The following SVOP variants were observed in gnomAD, a reference collection of about 807,000 sequenced individuals.
The protein encoded by SVOP is synaptic vesicle 2-related protein.
Under a neutral mutation model 69.1 loss-of-function variants are expected in SVOP, and 17 were observed. That is an observed-to-expected ratio of 0.25 (90% confidence interval 0.17 to 0.37). The LOEUF is 0.37. Among genes scored for constraint, SVOP ranks in the 10% least tolerant of loss-of-function variants. SVOP has a pLI of 1.00. For synonymous variants in SVOP, 238 were observed against 238.6 expected, an observed-to-expected ratio of 1.00 and a Z score of 0.02; for missense variants, 435 against 597.5, an observed-to-expected ratio of 0.73 and a Z score of 2.84.
rs562717802 is a variant in SVOP at position 108,954,687 on chromosome 12, G to A, written c.578+6236C>T. ...GCTTCCGGAGGCTTCTCAAAATTCT[G>A]ATCCACTGATGGCACCATTTTCTTG... On this transcript the variant is annotated intron_variant, in intron 6 of 15. Coordinates refer to ENST00000610966, the MANE Select transcript of SVOP (RefSeq NM_018711.5). Among the ~76,000 whole-genome samples, 7 of 152,236 alleles carry A rather than the reference G, an allele frequency of 4.6e-5. No individual in the cohort carries two copies. The South Asian group carries it at 1.2e-3, about 27-fold the overall frequency.
intron 5 of SVOP, among the ~76,000 whole-genome samples, chr12:108,968,351 C>G (rs892185001): frequency 6.6e-6 from 1 of 152,192 alleles, no homozygotes; most frequent in Non-Finnish European, 1.5e-5. Flanking sequence ...GCAGACAACA[C>G]TAGTCAATCA....
chr12:108,943,977 G>A (rs2039908305), intron 7 of SVOP, among the ~76,000 whole-genome samples: 1 of 151,682 alleles, frequency 6.6e-6, no homozygotes, highest in Non-Finnish European at 1.5e-5. Flanking sequence ...CACCTCCTGG[G>A]TTCAAGCAAT....
At chr12:108,998,837 G>T (rs1489724231) in intron 1 of SVOP, among the ~76,000 whole-genome samples, 3 of 151,332 alleles carry the variant, frequency 2.0e-5, no homozygotes, top group Non-Finnish European at 2.9e-5. Context: ...GGAACAACCG[G>T]TACCAGCCGT....
intron 12 of SVOP, among the ~76,000 whole-genome samples, chr12:108,920,301 T>C (rs1389566177): frequency 6.6e-6 from 1 of 152,210 alleles, no homozygotes; most frequent in Non-Finnish European, 1.5e-5. Flanking sequence ...TTTAAGCCAC[T>C]ACATTTTTGG....
intron 1 of SVOP, among the ~76,000 whole-genome samples, chr12:109,012,331 TC>T (rs996314599): frequency 1.3e-5 from 2 of 151,698 alleles, no homozygotes; most frequent in Non-Finnish European, 2.9e-5. Flanking sequence ...AAGAGATCTA[TC>T]GTACAACATG....
intron 1 of SVOP, among the ~76,000 whole-genome samples, chr12:108,997,326 G>T (rs1461605256): frequency 1.3e-4 from 19 of 151,836 alleles, no homozygotes; most frequent in Non-Finnish European, 1.9e-4. Context: ...ACGGAGTCTC[G>T]CTGATTGCTA....
At position 108,910,914 on chromosome 12, in the gene SVOP, T is replaced by C. The variant is rs7294679; in HGVS notation, c.*1621A>G. ...CATCACTGACATGTTTTAATAAGAG[T>C]TGAACGCACAAATTGGCTTCCTTGC... On this transcript the variant is annotated 3_prime_UTR_variant, in exon 16 of 16. Coordinates refer to ENST00000610966, the MANE Select transcript of SVOP (RefSeq NM_018711.5). 1 of 152,046 alleles carries C rather than the reference T, an allele frequency of 6.6e-6. No homozygotes were observed. Among genetic ancestry groups the C allele is most frequent in the South Asian group, 2.1e-4 (1 of 4,830 alleles). 9.4% of individuals were successfully genotyped at this position (152,046 alleles called of 1,614,324 possible).
intron 5 of SVOP, among the ~76,000 whole-genome samples, chr12:108,963,497 T>G (rs979347209): frequency 2.6e-5 from 4 of 151,138 alleles, no homozygotes; most frequent in Non-Finnish European, 4.4e-5. Context: ...ATTTATTTAT[T>G]TTTTTTTTGA....
intron 11 of SVOP, among the ~76,000 whole-genome samples, chr12:108,925,388 C>G (rs2039774322): frequency 6.6e-6 from 1 of 152,212 alleles, no homozygotes; most frequent in African/African-American, 2.4e-5. Flanking sequence ...ACCATCCTCT[C>G]TCATCTGGAT....
At chr12:109,019,970 C>T (rs1001528120) in intron 1 of SVOP, among the ~76,000 whole-genome samples, 1 of 152,104 alleles carries the variant, frequency 6.6e-6, no homozygotes, top group Non-Finnish European at 1.5e-5. Flanking sequence ...CTACTCTTAC[C>T]ACTCAAATGG....
intron 1 of SVOP, among the ~76,000 whole-genome samples, chr12:108,996,043 G>A (rs2040230546): frequency 6.6e-6 from 1 of 152,068 alleles, no homozygotes; most frequent in African/African-American, 2.4e-5. Flanking sequence ...AGGGTCAACA[G>A]GGCAAGATTG....
chr12:108,961,160 C>A (rs576033489), intron 5 of SVOP, 113 bp from the exon 6 acceptor site: 1 of 1,328,948 alleles, frequency 7.5e-7, no homozygotes. Context: ...GCCTACACAA[C>A]CAAGGGGGTA....
intron 6 of SVOP, among the ~76,000 whole-genome samples, chr12:108,951,374 T>C (rs1042834352): frequency 6.6e-6 from 1 of 152,342 alleles, no homozygotes; most frequent in Non-Finnish European, 1.5e-5. Context: ...TATTGATGTT[T>C]TCGTGGAGAG....
At chr12:109,010,034 G>A (rs2040331831) in intron 1 of SVOP, among the ~76,000 whole-genome samples, 1 of 150,846 alleles carries the variant, frequency 6.6e-6, no homozygotes, top group Non-Finnish European at 1.5e-5. Flanking sequence ...GAGGCGGGAG[G>A]ATTGCTAGAG....
intron 8 of SVOP, among the ~76,000 whole-genome samples, chr12:108,940,197 A>T (rs890433183): frequency 6.6e-6 from 1 of 152,228 alleles, no homozygotes; most frequent in Non-Finnish European, 1.5e-5. Context: ...AATACTTATT[A>T]TCATTACCAG....
At position 108,937,117 on chromosome 12, in the gene SVOP, G is replaced by A. The variant is rs1446094742; in HGVS notation, c.971+147C>T. ...GTACAGATGATAACCTGGATATGAC[G>A]GAAATCAGGAGGATGATGTTCGAAC... On this transcript the variant is annotated intron_variant, in intron 10 of 15. Coordinates refer to ENST00000610966, the MANE Select transcript of SVOP (RefSeq NM_018711.5). 6.6e-5 allele frequency: 49 copies of A among 746,434 alleles called. No homozygotes were observed. The East Asian group carries it at 8.2e-4, about 12-fold the overall frequency. The allele number at this position is 746,434 out of a possible 1,614,324, so 46.2% of individuals were successfully genotyped here. A position where few individuals can be genotyped will look rare whatever the true frequency, so the allele number is the denominator to read the frequency against.
At chr12:108,987,036 A>G (rs1361425804) in intron 1 of SVOP, among the ~76,000 whole-genome samples, 2 of 152,138 alleles carry the variant, frequency 1.3e-5, no homozygotes, top group African/African-American at 2.4e-5. Context: ...TTTAACCATT[A>G]TAAGTGTACA....
At position 108,954,086 on chromosome 12, in the gene SVOP, C is replaced by T. The variant is rs368606133; in HGVS notation, c.578+6837G>A. On this transcript the variant is annotated intron_variant, in intron 6 of 15. Coordinates refer to ENST00000610966, the MANE Select transcript of SVOP (RefSeq NM_018711.5). ...GAGATATCACACCACTGCACTCCAG[C>T]CTGGGTGACAGAGTAAGAATCTGTC... Among the ~76,000 whole-genome samples the T allele has an allele frequency of 2.8e-3, 408 of 144,382 alleles. 1 individual carries two copies. The highest frequency in any genetic ancestry group is 0.025 in the Middle Eastern group (7 of 278). The allele number at this position is 144,382 out of a possible 152,430, so 94.7% of individuals were successfully genotyped here. A position where few individuals can be genotyped will look rare whatever the true frequency, so the allele number is the denominator to read the frequency against.
At chr12:108,917,982 C>A in intron 14 of SVOP, 61 bp downstream of exon 14, 1 of 1,344,224 alleles carries the variant, frequency 7.4e-7, no homozygotes, top group Non-Finnish European at 1.0e-6. Context: ...AGCAGAGCAT[C>A]CCCCACAGCC....
Sources: gnomAD v4.1 joint callset for allele counts (sites outside exome capture counted in the v4.1 genomes callset) on GRCh38, gnomAD v4.1.1 for gene constraint, MANE v1.5 for transcripts, NCBI Gene and HGNC (gene_info 2026-07-23, HGNC 2026-07-21) for gene names.